The following IFT88 variants were observed in gnomAD, a reference collection of about 807,000 sequenced individuals.
The protein encoded by IFT88 is intraflagellar transport 88, also known as intraflagellar transport protein 88 homolog.
A neutral mutation model predicts 119.5 loss-of-function variants in IFT88; 74 were observed. The observed-to-expected ratio is 0.62, with a 90% CI of 0.51 to 0.75. The LOEUF (loss-of-function observed/expected upper bound fraction) is 0.75. IFT88 is among the 30% of genes least tolerant of loss of function. The probability of loss-of-function intolerance (pLI) is 0.00; values close to 1 mark genes in which losing one functional copy is unlikely to be tolerated. For synonymous variants in IFT88, 279 were observed against 316.7 expected (o/e 0.88, Z 1.26); for missense variants, 961 against 977.7 (o/e 0.98, Z 0.23).
At chr13:20,596,992 A>C in intron 8 of IFT88, 23 bp from the exon 9 acceptor site, 1 of 1,355,956 alleles carries the variant, frequency 7.4e-7, no homozygotes, top group Non-Finnish European at 1.0e-6. Flanking sequence ...AAAGGAAGTT[A>C]CAAGGTATAA....
intron 12 of IFT88, among the ~76,000 whole-genome samples, chr13:20,604,388 A>G (rs2043084746): frequency 6.6e-6 from 1 of 152,220 alleles, no homozygotes; most frequent in Admixed American, 6.5e-5. Flanking sequence ...AGAGATATGG[A>G]TCATACTAAG....
At chr13:20,579,865 G>A (rs2038196868) in intron 2 of IFT88, among the ~76,000 whole-genome samples, 1 of 152,202 alleles carries the variant, frequency 6.6e-6, no homozygotes, top group African/African-American at 2.4e-5. Flanking sequence ...TTATTCAGCA[G>A]TGACGAATCC....
chr13:20,637,899 T>C (rs144675028), intron 16 of IFT88, among the ~76,000 whole-genome samples: 46 of 152,248 alleles, frequency 3.0e-4, no homozygotes, highest in Non-Finnish European at 5.0e-4. Flanking sequence ...TGACCGAGCA[T>C]TTGGCATGGA....
chr13:20,683,615 C>T (rs1344696439), intron 24 of IFT88, among the ~76,000 whole-genome samples: 2 of 152,164 alleles, frequency 1.3e-5, no homozygotes, highest in East Asian at 1.9e-4. Context: ...ATTGGCCATG[C>T]GGATGGCCAG....
At chr13:20,642,256 T>C (rs1244132411) in intron 18 of IFT88, 1 of 152,198 alleles carries the variant, frequency 6.6e-6, no homozygotes, top group Non-Finnish European at 1.5e-5. Flanking sequence ...AGGTGTACCA[T>C]TAATAATTTT....
At chr13:20,636,231 C>T (rs1431940120) in intron 16 of IFT88, among the ~76,000 whole-genome samples, 3 of 152,170 alleles carry the variant, frequency 2.0e-5, no homozygotes, top group African/African-American at 7.2e-5. Context: ...AGAAGGTCTG[C>T]TAGGTATGAC....
chr13:20,637,829 T>C (rs2049250606), intron 16 of IFT88, among the ~76,000 whole-genome samples: 1 of 152,180 alleles, frequency 6.6e-6, no homozygotes, highest in Non-Finnish European at 1.5e-5. Flanking sequence ...CTGGCACAGA[T>C]GGTCACAATA....
intron 24 of IFT88, among the ~76,000 whole-genome samples, chr13:20,679,684 A>G (rs557522292): frequency 2.6e-5 from 4 of 152,344 alleles, no homozygotes; most frequent in East Asian, 1.9e-4. Flanking sequence ...AGACACAACT[A>G]TGTATCCAGA....
intron 24 of IFT88, among the ~76,000 whole-genome samples, chr13:20,689,363 C>G (rs912434798): frequency 1.3e-5 from 2 of 152,190 alleles, no homozygotes; most frequent in Non-Finnish European, 2.9e-5. Context: ...TAATTTACAT[C>G]TGTGTAAAAA....
At chr13:20,659,678 C>G (rs1012684455) in intron 22 of IFT88, among the ~76,000 whole-genome samples, 1 of 149,124 alleles carries the variant, frequency 6.7e-6, no homozygotes, top group African/African-American at 2.5e-5. Flanking sequence ...CAGTCTCACT[C>G]TGTCACCCAG....
intron 13 of IFT88, chr13:20,608,126 ACT>A: frequency 2.2e-6 from 1 of 449,252 alleles, no homozygotes; most frequent in South Asian, 2.0e-5. Context: ...AGCTACCCAA[ACT>A]CTTAGTTTGA....
chr13:20,590,715 C>T (rs2040520886), intron 4 of IFT88, among the ~76,000 whole-genome samples: 1 of 152,154 alleles, frequency 6.6e-6, no homozygotes, highest in African/African-American at 2.4e-5. Flanking sequence ...GCAAAAGCAG[C>T]CACAGGCAAT....
At chr13:20,641,772 G>T in intron 18 of IFT88, 1 of 160,732 alleles carries the variant, frequency 6.2e-6, no homozygotes, top group Non-Finnish European at 1.4e-5. Flanking sequence ...ATAAAATACT[G>T]TTTATTACTG....
chr13:20,644,317 T>A (rs1594576042), intron 19 of IFT88, among the ~76,000 whole-genome samples: 1 of 152,024 alleles, frequency 6.6e-6, no homozygotes, highest in Non-Finnish European at 1.5e-5. Flanking sequence ...CTGGCCAACA[T>A]GAGGAAACCC....
intron 14 of IFT88, among the ~76,000 whole-genome samples, chr13:20,625,318 T>TAAAC (rs1328204921): frequency 6.6e-6 from 1 of 152,192 alleles, no homozygotes; most frequent in Admixed American, 6.5e-5. Flanking sequence ...TGTTATAGAG[T>TAAAC]AAACAGCAAA....
At chr13:20,644,532 A>T (rs967653808) in intron 19 of IFT88, among the ~76,000 whole-genome samples, 2 of 152,098 alleles carry the variant, frequency 1.3e-5, no homozygotes, top group South Asian at 4.1e-4. Flanking sequence ...TTAATAATAA[A>T]AAGAAGTACC....
intron 16 of IFT88, among the ~76,000 whole-genome samples, chr13:20,635,422 C>A (rs965833275): frequency 5.3e-5 from 8 of 152,152 alleles, no homozygotes; most frequent in African/African-American, 7.2e-5. Flanking sequence ...AGGCACATCA[C>A]AGTCACTATC....
intron 22 of IFT88, among the ~76,000 whole-genome samples, chr13:20,660,784 G>A (rs998835327): frequency 6.6e-6 from 1 of 152,092 alleles, no homozygotes; most frequent in Non-Finnish European, 1.5e-5. Flanking sequence ...GCTTTTGGAG[G>A]GAAAAATCAA....
intron 12 of IFT88, among the ~76,000 whole-genome samples, chr13:20,602,773 C>G (rs1167159789): frequency 6.6e-6 from 1 of 151,810 alleles, no homozygotes; most frequent in Non-Finnish European, 1.5e-5. Context: ...ATCCCAGCTA[C>G]TTGGGAGGCT....
Sources: gnomAD v4.1 joint callset for allele counts (sites outside exome capture counted in the v4.1 genomes callset) on GRCh38, gnomAD v4.1.1 for gene constraint, MANE v1.5 for transcripts, NCBI Gene and HGNC (gene_info 2026-07-23, HGNC 2026-07-21) for gene names.